ZMYND8: variants seen among roughly 807,000 people sequenced by gnomAD.
The protein encoded by ZMYND8 is zinc finger MYND-type containing 8.
ZMYND8 carries 37 observed loss-of-function variants against 140.8 expected under a neutral mutation model. The ratio of observed to expected loss-of-function variants is 0.26; its 90% CI spans 0.20 to 0.35. The LOEUF (loss-of-function observed/expected upper bound fraction) is 0.35, where lower values mean the gene tolerates loss of function less well. Among genes scored for constraint, ZMYND8 ranks in the 10% least tolerant of loss-of-function variants. The probability of loss-of-function intolerance (pLI) is 1.00; values close to 1 mark genes in which losing one functional copy is unlikely to be tolerated. For missense variants in ZMYND8, 1,068 were observed against 1,570.0 expected, an observed-to-expected ratio of 0.68 and a Z score of 5.40; for synonymous variants, 592 against 597.1, an observed-to-expected ratio of 0.99 and a Z score of 0.12.
At chr20:47,268,456 G>A (rs2075699930) in intron 11 of ZMYND8, among the ~76,000 whole-genome samples, 1 of 151,624 alleles carries the variant, frequency 6.6e-6, no homozygotes, top group Non-Finnish European at 1.5e-5. Flanking sequence ...ACCATGCCGG[G>A]CTAATTTTTT....
intron 15 of ZMYND8, chr20:47,238,516 AAGG>A (rs1175381968): frequency 3.1e-6 from 2 of 648,032 alleles, no homozygotes; most frequent in Non-Finnish European, 5.2e-6. Context: ...CCCCCTTTTT[AAGG>A]AGAATATATG....
chr20:47,262,579 T>C (rs1441364359), intron 11 of ZMYND8, 151 bp from the exon 12 acceptor site: 4 of 1,106,740 alleles, frequency 3.6e-6, no homozygotes, highest in African/African-American at 1.6e-5. Flanking sequence ...GGGTGGAGCA[T>C]AGCAGGTTGG....
At position 47,294,626 on chromosome 20, in the gene ZMYND8, C is replaced by T. The variant is rs772321992; in HGVS notation, c.567+40G>A. 1.1e-5 allele frequency: 17 copies of T among 1,567,928 alleles called. No homozygotes were observed. In the Admixed American group the frequency reaches 1.2e-4, roughly 11 times the overall value. On this transcript the variant is annotated intron_variant, in intron 5 of 22. Transcript: ENST00000471951. ...TAACAGAACAAAACATATGTCATTACGTTCATTTACGCGTATACCAAGAGG... is the reference window on the plus strand; with the variant it reads ...TAACAGAACAAAACATATGTCATTATGTTCATTTACGCGTATACCAAGAGG...
intron 11 of ZMYND8, among the ~76,000 whole-genome samples, chr20:47,268,717 CG>C (rs11475699): frequency 1 from 151,650 of 151,650 alleles, 75,825 homozygotes; most frequent in Non-Finnish European, 1. Context: ...GCGGAGGTGG[CG>C]AGTGAGCCGA....
rs1367672425 is a variant in ZMYND8, at chr20:47,246,355, T to C, written c.1937A>G (p.Asp646Gly). 1 of 1,614,178 alleles carries C rather than the reference T, an allele frequency of 6.2e-7. No homozygotes were observed. The highest frequency in any genetic ancestry group is 8.5e-7 in the Non-Finnish European group (1 of 1,180,028). The change falls in exon 14 of 23, where the codon GAC (aspartate) becomes GGC (glycine). Residue 646 changes from aspartate (D) to glycine (G), a missense_variant. Physicochemically the swap from Asp to Gly is moderately conservative, Grantham distance 94. Around this residue, in one of 10 missense-constraint regions of ZMYND8, gnomAD observed 383 missense variants for 431.2 expected, o/e 0.89. Coordinates refer to ENST00000471951, the MANE Select transcript of ZMYND8 (RefSeq NM_001281775.3). ...TTTTTTAACAGCAGATGGCTCTTTGTCCATCTGACAACCTTCTTTGTCCTC... is the reference window on the plus strand; with the variant it reads ...TTTTTTAACAGCAGATGGCTCTTTGCCCATCTGACAACCTTCTTTGTCCTC... ...DTEDKEGCQM[D>G]KEPSAVKKKP... is the part of the protein sequence containing the mutation.
rs1179139775 is a variant in ZMYND8 at position 47,238,950 on chromosome 20, G to A, written c.2473C>T (p.Leu825Phe). The A allele has an allele frequency of 1.2e-6, 2 of 1,613,150 alleles. No individual in the cohort carries two copies. Among genetic ancestry groups the A allele is most frequent in the African/African-American group, 1.3e-5 (1 of 74,928 alleles). ...GCCGGGGCAGTCTCCTTCGGTAAAA[G>A]CGGCCTCTGCTTTTTCACTGGGCTT... is the stretch of plus-strand genomic sequence containing the variant. Reference protein sequence around the residue: ...TGSPVKKQRPLLPKETAPAVQ... With the variant: ...TGSPVKKQRPFLPKETAPAVQ... Residue 825 changes from leucine (L) to phenylalanine (F), a missense_variant, in exon 15 of 23, where the codon CTT (leucine) becomes TTT (phenylalanine). Coordinates refer to ENST00000471951, the MANE Select transcript of ZMYND8 (RefSeq NM_001281775.3).
At chr20:47,312,848 G>A (rs1315277675) in intron 2 of ZMYND8, among the ~76,000 whole-genome samples, 1 of 150,574 alleles carries the variant, frequency 6.6e-6, no homozygotes, top group Non-Finnish European at 1.5e-5. Context: ...TTCCCCCAGA[G>A]AAACCTCCCC....
At chr20:47,258,469 G>A (rs1222950515) in intron 12 of ZMYND8, among the ~76,000 whole-genome samples, 2 of 152,162 alleles carry the variant, frequency 1.3e-5, no homozygotes, top group Non-Finnish European at 2.9e-5. Context: ...CGTAACACCT[G>A]CATAGATTCC....
chr20:47,331,679 A>C (rs914568404), intron 2 of ZMYND8, among the ~76,000 whole-genome samples: 3 of 152,222 alleles, frequency 2.0e-5, no homozygotes, highest in African/African-American at 7.2e-5. Context: ...GGGAAACAGA[A>C]GGAAAATCAG....
chr20:47,341,847 C>T (rs1310058899), intron 2 of ZMYND8, among the ~76,000 whole-genome samples: 1 of 151,448 alleles, frequency 6.6e-6, no homozygotes, highest in Non-Finnish European at 1.5e-5. Context: ...ACTAAAAATA[C>T]AAAAAATTAG....
intron 2 of ZMYND8, among the ~76,000 whole-genome samples, chr20:47,326,729 A>C (rs1056646156): frequency 1.1e-4 from 17 of 152,138 alleles, no homozygotes; most frequent in African/African-American, 3.1e-4. Flanking sequence ...GAAAAGCAAA[A>C]AATTATTTTT....
At position 47,308,162 on chromosome 20, in the gene ZMYND8, C is replaced by T. The variant is rs111978544; in HGVS notation, c.234+1894G>A. ...AAAAACTCAGTTCCTCAGTCACTTG[C>T]CATTTTCAAGTACTGAAGAACCACA... On this transcript the variant is annotated intron_variant, in intron 3 of 22. Transcript: ENST00000471951. Among the ~76,000 whole-genome samples the T allele has an allele frequency of 1.7e-3, 253 of 148,810 alleles. 2 individuals carry two copies. Among genetic ancestry groups the T allele is most frequent in the African/African-American group, 5.9e-3 (238 of 40,548 alleles).
At chr20:47,321,883 CAG>C (rs2079988694) in intron 2 of ZMYND8, among the ~76,000 whole-genome samples, 3 of 92,612 alleles carry the variant, frequency 3.2e-5, no homozygotes, top group African/African-American at 1.5e-4. Flanking sequence ...TTTTTTGAAA[CAG>C]AGTCTCACTC....
chr20:47,314,100 G>T (rs1455800527), intron 2 of ZMYND8, among the ~76,000 whole-genome samples: 1 of 140,622 alleles, frequency 7.1e-6, no homozygotes, highest in Admixed American at 6.8e-5. Flanking sequence ...TGCCTTGGGA[G>T]GGGTGCCTGC....
intron 2 of ZMYND8, among the ~76,000 whole-genome samples, chr20:47,337,828 G>A (rs1020229988): frequency 3.4e-4 from 51 of 151,980 alleles, no homozygotes; most frequent in African/African-American, 1.1e-3. Flanking sequence ...GAGCTAAAAC[G>A]CTCTACTAAA....
intron 3 of ZMYND8, among the ~76,000 whole-genome samples, chr20:47,307,272 G>A (rs561678318): frequency 1.3e-5 from 2 of 151,722 alleles, no homozygotes; most frequent in African/African-American, 4.8e-5. Flanking sequence ...CCAACATGGC[G>A]AAACTCCGTC....
chr20:47,314,721 C>A (rs907650790), intron 2 of ZMYND8, among the ~76,000 whole-genome samples: 1 of 152,160 alleles, frequency 6.6e-6, no homozygotes, highest in African/African-American at 2.4e-5. Context: ...CGAGCCAGAG[C>A]CAATGGCCTC....
intron 10 of ZMYND8, among the ~76,000 whole-genome samples, chr20:47,278,786 A>G (rs1485923865): frequency 1.3e-5 from 2 of 152,208 alleles, no homozygotes; most frequent in Non-Finnish European, 2.9e-5. Flanking sequence ...AACAGAAGCC[A>G]GATGCTCTCA....
intron 5 of ZMYND8, 97 bp downstream of exon 5, chr20:47,294,569 G>T (rs1259847018): frequency 1.7e-6 from 2 of 1,143,022 alleles, no homozygotes; most frequent in Non-Finnish European, 2.6e-6. Flanking sequence ...GAGGCCCAAA[G>T]AATACATCAG....
Sources: allele counts gnomAD v4.1 joint callset (sites outside exome capture counted in the v4.1 genomes callset), GRCh38; gene constraint gnomAD v4.1.1; regional missense constraint gnomAD v4.1.1; transcripts MANE v1.5; gene names NCBI Gene and HGNC (gene_info 2026-07-23, HGNC 2026-07-21).